The following AK1 variants were observed in gnomAD, a reference collection of about 807,000 sequenced individuals.
AK1 encodes the protein adenylate kinase 1.
A neutral mutation model predicts 23.9 loss-of-function variants in AK1; 13 were observed. The ratio of observed to expected loss-of-function variants is 0.54; its 90% CI spans 0.35 to 0.86. The LOEUF is 0.86. AK1 is among the 40% of genes least tolerant of loss of function. The pLI is 0.01. For missense variants in AK1, 214 were observed against 255.1 expected (o/e 0.84, Z 1.10); for synonymous variants, 97 against 102.8 (o/e 0.94, Z 0.34).
rs1829260442 is a variant in AK1, at chr9:127,866,934, G to A, written c.*1074C>T. On this transcript the variant is annotated 3_prime_UTR_variant, in exon 7 of 7. Coordinates refer to ENST00000644144, the MANE Select transcript of AK1 (RefSeq NM_000476.3). ...AATTGGAAACGGCTCACAGAGGGTG[G>A]GCTGTGTCCAGGGCCACACAGGGGG... 1 of 152,112 alleles carries A rather than the reference G, an allele frequency of 6.6e-6. No individual in the cohort carries two copies. The highest frequency in any genetic ancestry group is 6.5e-5 in the Admixed American group (1 of 15,270). The allele number at this position is 152,112 out of a possible 1,614,324, so 9.4% of individuals were successfully genotyped here.
rs56780407 is a variant in AK1, at chr9:127,876,262, G to A, written c.-33+1361C>T. Among the ~76,000 whole-genome samples, 1,094 of 152,288 alleles carry A rather than the reference G, an allele frequency of 7.2e-3. 14 individuals are homozygous for A. The highest frequency in any genetic ancestry group is 0.025 in the African/African-American group (1,053 of 41,534). ...AACCTGCCCTGCACTGCACAACCAC[G>A]CTGTACTGGGCCCCTCTTCTGTGCT... On this transcript the variant is annotated intron_variant, in intron 1 of 6. Coordinates refer to ENST00000644144, the MANE Select transcript of AK1 (RefSeq NM_000476.3).
At chr9:127,873,250 G>A in intron 2 of AK1, 189 bp from the exon 3 acceptor site, 11 of 1,535,420 alleles carry the variant, frequency 7.2e-6, no homozygotes, top group Non-Finnish European at 9.6e-6. Flanking sequence ...GCCTGGGAGA[G>A]GTCAGGGAAG....
At chr9:127,875,868 A>G (rs1404487753) in intron 1 of AK1, among the ~76,000 whole-genome samples, 1 of 152,186 alleles carries the variant, frequency 6.6e-6, no homozygotes, top group African/African-American at 2.4e-5. Context: ...TCCTGTGCTA[A>G]GTAAGGGGCC....
At chr9:127,875,824 C>A (rs1829525873) in intron 1 of AK1, among the ~76,000 whole-genome samples, 1 of 152,196 alleles carries the variant, frequency 6.6e-6, no homozygotes, top group South Asian at 2.1e-4. Context: ...CCTCCCCTCC[C>A]CAGGCTCTCT....
At chr9:127,869,102 T>A (rs910953091) in intron 5 of AK1, among the ~76,000 whole-genome samples, 14 of 152,136 alleles carry the variant, frequency 9.2e-5, no homozygotes, top group Admixed American at 9.2e-4. Context: ...GGCTGCTGAG[T>A]CCTGGGGGGT....
At chr9:127,872,888 A>T (rs1016110282) in intron 3 of AK1, 35 bp from the exon 4 acceptor site, 1 of 1,613,592 alleles carries the variant, frequency 6.2e-7, no homozygotes. Flanking sequence ...ACCCCGAGAC[A>T]CAGGGTCCCA....
chr9:127,867,994 C>T lies in AK1; in HGVS notation c.*14G>A, dbSNP rs752194585. ...GGGGCGGGGCTCTGAGCTGGGGAAGCGGCTCCAGCGTTGCTACTTTAGGGC... is the reference window on the plus strand; with the variant it reads ...GGGGCGGGGCTCTGAGCTGGGGAAGTGGCTCCAGCGTTGCTACTTTAGGGC... On this transcript the variant is annotated 3_prime_UTR_variant, in exon 7 of 7. Transcript: ENST00000644144. 1.7e-5 allele frequency: 28 copies of T among 1,613,736 alleles called. No individual in the cohort carries two copies. Among genetic ancestry groups the T allele is most frequent in the South Asian group, 7.7e-5 (7 of 91,078 alleles).
At chr9:127,874,780 G>A in intron 1 of AK1, 131 bp from the exon 2 acceptor site, 1 of 936,130 alleles carries the variant, frequency 1.1e-6, no homozygotes, top group Non-Finnish European at 1.7e-6. Context: ...GGGGCTGCTG[G>A]GGGCAGGGAA....
At position 127,867,989 on chromosome 9, in the gene AK1, G is replaced by C; in HGVS notation, c.*19C>G. ...GGGGTGGGGCGGGGCTCTGAGCTGG[G>C]GAAGCGGCTCCAGCGTTGCTACTTT... is the stretch of plus-strand genomic sequence containing the variant. On this transcript the variant is annotated 3_prime_UTR_variant, in exon 7 of 7. Transcript: ENST00000644144. 4 of 1,613,716 alleles carry C rather than the reference G, an allele frequency of 2.5e-6. No individual in the cohort carries two copies. Among genetic ancestry groups the C allele is most frequent in the Non-Finnish European group, 3.4e-6 (4 of 1,179,572 alleles).
At chr9:127,872,625 C>G in intron 4 of AK1, 65 bp downstream of exon 4, 1 of 1,605,362 alleles carries the variant, frequency 6.2e-7, no homozygotes, top group South Asian at 1.1e-5. Flanking sequence ...GGCTTTGCTG[C>G]TGGTGGGACA....
upstream of AK1, chr9:127,878,556 C>G (rs1207499602): frequency 6.6e-6 from 1 of 152,208 alleles, no homozygotes; most frequent in Admixed American, 6.6e-5. Flanking sequence ...GTGATGTAGC[C>G]GGGCAGGGAT....
At chr9:127,876,305 T>C (rs375689945) in intron 1 of AK1, among the ~76,000 whole-genome samples, 17 of 152,300 alleles carry the variant, frequency 1.1e-4, no homozygotes, top group Non-Finnish European at 2.4e-4. Flanking sequence ...TGGGATCCCA[T>C]TGACTGGGCC....
intron 2 of AK1, chr9:127,873,327 C>T (rs1588617853): frequency 1.3e-6 from 2 of 1,539,418 alleles, no homozygotes; most frequent in Non-Finnish European, 8.7e-7. Context: ...CTCCACACAG[C>T]CAGCGGGCTG....
chr9:127,870,188 G>C (rs1283213240), intron 5 of AK1, among the ~76,000 whole-genome samples: 3 of 142,058 alleles, frequency 2.1e-5, no homozygotes, highest in African/African-American at 7.8e-5. Flanking sequence ...AACAGCCCTG[G>C]AAGGGTGGGG....
chr9:127,874,476 C>T, intron 2 of AK1, 135 bp downstream of exon 2: 1 of 1,595,818 alleles, frequency 6.3e-7, no homozygotes. Flanking sequence ...ATACTGGAGG[C>T]TCCCAGCCAG....
upstream of AK1, chr9:127,877,685 G>C (rs1282657202): frequency 6.6e-6 from 1 of 152,288 alleles, no homozygotes; most frequent in Admixed American, 6.5e-5. The surrounding 1 kb of genome is among the most constrained non-coding windows in gnomAD (Gnocchi z 5.2). Flanking sequence ...CGCGGCGGCC[G>C]GCAAAGGCGA....
Position 127,868,993 on chromosome 9 carries a change from T to C in AK1, c.325-481A>G, listed in dbSNP as rs750848276. On this transcript the variant is annotated intron_variant, in intron 5 of 6. Coordinates refer to ENST00000644144, the MANE Select transcript of AK1 (RefSeq NM_000476.3). The surrounding 1 kb of genome is among the most constrained non-coding windows in gnomAD (Gnocchi z 4.1). ...CTCTTCCAGCGCCTTTATCTTTCCT[T>C]AAGCAGGTCTCCCAAGGGCCCCTGA... is the stretch of plus-strand genomic sequence containing the variant. Among the ~76,000 whole-genome samples the C allele has an allele frequency of 3.3e-5, 5 of 152,168 alleles. No homozygotes were observed. The highest frequency in any genetic ancestry group is 7.2e-5 in the African/African-American group (3 of 41,426).
Position 127,868,563 on chromosome 9 carries a change from A to G in AK1, c.325-51T>C. 6 of 1,538,294 alleles carry G rather than the reference A, an allele frequency of 3.9e-6. No individual in the cohort carries two copies. The highest frequency in any genetic ancestry group is 4.4e-6 in the Non-Finnish European group (5 of 1,138,550). On this transcript the variant is annotated intron_variant, in intron 5 of 6. Transcript: ENST00000644144. This position sits in a 1 kb window ranked among gnomAD's most constrained non-coding sequence, Gnocchi z 4.1. ...GACCCCATTCCTGCCCCCTAGGGCCATCTCCTCCCCATCTTCCCATCTATG... is the reference window on the plus strand; with the variant it reads ...GACCCCATTCCTGCCCCCTAGGGCCGTCTCCTCCCCATCTTCCCATCTATG...
chr9:127,868,809 T>C lies in AK1; in HGVS notation c.325-297A>G, dbSNP rs1829312912. On this transcript the variant is annotated intron_variant, in intron 5 of 6. Transcript: ENST00000644144. This position sits in a 1 kb window ranked among gnomAD's most constrained non-coding sequence, Gnocchi z 4.1. ...TCCTTCCATGCCAGACCTGTGCTCA[T>C]GCTGTTCCCTCTGCTAGGAGCCCTC... 6.6e-6 allele frequency among the ~76,000 whole-genome samples: 1 copy of C among 152,194 alleles called. No homozygotes were observed. The highest frequency in any genetic ancestry group is 2.1e-4 in the South Asian group (1 of 4,832).
Sources: allele counts gnomAD v4.1 joint callset (sites outside exome capture counted in the v4.1 genomes callset), GRCh38; gene constraint gnomAD v4.1.1; non-coding constraint Gnocchi (gnomAD v3.1); transcripts MANE v1.5; gene names NCBI Gene and HGNC (gene_info 2026-07-23, HGNC 2026-07-21).